The following SHC3 variants were observed in gnomAD, a reference collection of about 807,000 sequenced individuals.
SHC3 encodes the protein SHC adaptor protein 3.
In SHC3, 15 loss-of-function variants were observed where a neutral mutation model predicts 60.4. The observed-to-expected ratio is 0.25, with a 90% CI of 0.17 to 0.38. SHC3 has a LOEUF of 0.38. Among genes scored for constraint, SHC3 ranks in the 10% least tolerant of loss-of-function variants. SHC3 has a pLI of 1.00. For missense variants in SHC3, 677 were observed against 786.1 expected (o/e 0.86, Z 1.66); for synonymous variants, 294 against 325.9 (o/e 0.90, Z 1.05).
chr9:89,178,072 C>T lies in SHC3; in HGVS notation c.389G>A (p.Gly130Asp). The change falls in exon 1 of 12, where the codon GGC (glycine) becomes GAC (aspartate). Residue 130 changes from glycine to aspartate, a missense_variant. By Grantham distance (94) the Gly-to-Asp change is moderately conservative. Coordinates refer to ENST00000375835, the MANE Select transcript of SHC3 (RefSeq NM_016848.6). The surrounding 1 kb of genome is among the most constrained non-coding windows in gnomAD (Gnocchi z 6.9). The part of the protein sequence containing the change: ...AMSAARKGRP[G>D]DEPLPRPPRG... ...AGGGGGCCTGGGCAGCGGCTCGTCG[C>T]CGGGCCGGCCCTTCCTGGCGGCGCT... 2 of 1,201,422 alleles carry T rather than the reference C, an allele frequency of 1.7e-6. No individual in the cohort carries two copies. The highest frequency in any genetic ancestry group is 2.1e-6 in the Non-Finnish European group (2 of 968,808). The allele number at this position is 1,201,422 out of a possible 1,614,324, so 74.4% of individuals were successfully genotyped here.
At chr9:89,058,479 A>C (rs1824994611) in intron 6 of SHC3, among the ~76,000 whole-genome samples, 2 of 127,478 alleles carry the variant, frequency 1.6e-5, no homozygotes, top group Non-Finnish European at 3.3e-5. Context: ...GAGGATGATG[A>C]TGGAGGACAG....
intron 2 of SHC3, among the ~76,000 whole-genome samples, chr9:89,112,224 T>C (rs1267864475): frequency 6.6e-6 from 1 of 152,230 alleles, no homozygotes. Context: ...AAGAACATGG[T>C]TCAGTACATT....
At chr9:89,146,605 G>C (rs1465667067) in intron 1 of SHC3, among the ~76,000 whole-genome samples, 2 of 152,182 alleles carry the variant, frequency 1.3e-5, no homozygotes, top group African/African-American at 2.4e-5. Context: ...GAACATGGGA[G>C]AGGGAGAATG....
Position 89,122,477 on chromosome 9 carries a change from T to C in SHC3, c.475-9851A>G, listed in dbSNP as rs28372016. Among the ~76,000 whole-genome samples the C allele has an allele frequency of 5.5e-3, 834 of 152,360 alleles. 8 individuals are homozygous for C. Among genetic ancestry groups the C allele is most frequent in the African/African-American group, 0.019 (791 of 41,580 alleles). ...GGAAAAAAACAACCTTTGTTGGTAA[T>C]ACCTTGAAATTCACTTTTAGAAGGC... On this transcript the variant is annotated intron_variant, in intron 1 of 11. Coordinates refer to ENST00000375835, the MANE Select transcript of SHC3 (RefSeq NM_016848.6).
intron 2 of SHC3, among the ~76,000 whole-genome samples, chr9:89,083,763 C>T (rs553968709): frequency 6.6e-6 from 1 of 152,270 alleles, no homozygotes; most frequent in East Asian, 1.9e-4. Context: ...GACGGCCTCT[C>T]TCTTTTTCTC....
At chr9:89,171,375 G>A (rs1826866816) in intron 1 of SHC3, among the ~76,000 whole-genome samples, 1 of 152,216 alleles carries the variant, frequency 6.6e-6, no homozygotes, top group African/African-American at 2.4e-5. Context: ...AATGAAGTTT[G>A]TCAGAATGAC....
intron 7 of SHC3, among the ~76,000 whole-genome samples, chr9:89,049,716 TA>T (rs34075718): frequency 6.6e-6 from 1 of 152,236 alleles, no homozygotes; most frequent in Non-Finnish European, 1.5e-5. Context: ...AGTGGAGGTG[TA>T]AACAGACTGT....
chr9:89,072,787 C>A (rs558772227), intron 4 of SHC3, among the ~76,000 whole-genome samples: 2 of 152,186 alleles, frequency 1.3e-5, no homozygotes, highest in Non-Finnish European at 2.9e-5. Context: ...GGGCCCTTGT[C>A]CTCGGGCAGG....
chr9:89,156,210 GA>G (rs1826620535), intron 1 of SHC3, among the ~76,000 whole-genome samples: 1 of 152,098 alleles, frequency 6.6e-6, no homozygotes, highest in Non-Finnish European at 1.5e-5. Context: ...ATCCCTATGG[GA>G]AAAATATGGA....
intron 1 of SHC3, among the ~76,000 whole-genome samples, chr9:89,113,491 A>G (rs1476534580): frequency 6.6e-6 from 1 of 152,168 alleles, no homozygotes; most frequent in Non-Finnish European, 1.5e-5. Flanking sequence ...CTCCATCTCA[A>G]AAAAGAAAAA....
chr9:89,080,970 A>G (rs1049040896), intron 2 of SHC3, among the ~76,000 whole-genome samples: 1 of 151,936 alleles, frequency 6.6e-6, no homozygotes, highest in Admixed American at 6.6e-5. Flanking sequence ...GTTTCACCGT[A>G]TTAGCCAGGA....
chr9:89,085,975 A>G (rs1317643456), intron 2 of SHC3, among the ~76,000 whole-genome samples: 1 of 152,240 alleles, frequency 6.6e-6, no homozygotes, highest in Non-Finnish European at 1.5e-5. Context: ...ATGAGTGATT[A>G]ACAACCAAAC....
At chr9:89,052,430 AT>A (rs1824876902) in intron 6 of SHC3, among the ~76,000 whole-genome samples, 1 of 152,240 alleles carries the variant, frequency 6.6e-6, no homozygotes, top group African/African-American at 2.4e-5. Context: ...TTCAAGTTCA[AT>A]TTGATGTTCT....
At chr9:89,158,631 C>T (rs1053806820) in intron 1 of SHC3, among the ~76,000 whole-genome samples, 4 of 152,212 alleles carry the variant, frequency 2.6e-5, no homozygotes, top group East Asian at 1.9e-4. Context: ...ATTATTCTGT[C>T]TAGCGGGCTG....
chr9:89,086,534 C>A (rs541032802), intron 2 of SHC3, among the ~76,000 whole-genome samples: 4 of 152,310 alleles, frequency 2.6e-5, no homozygotes, highest in South Asian at 2.1e-4. Flanking sequence ...GGACCCTCTG[C>A]ATGTTTAGCT....
At chr9:89,077,947 G>A in intron 2 of SHC3, 44 bp from the exon 3 acceptor site, 1 of 1,608,010 alleles carries the variant, frequency 6.2e-7, no homozygotes, top group East Asian at 2.2e-5. Flanking sequence ...TGTCAGTCGG[G>A]ATTATGGAAC....
chr9:89,061,419 A>T (rs1387973261), intron 6 of SHC3, among the ~76,000 whole-genome samples: 2 of 152,232 alleles, frequency 1.3e-5, no homozygotes, highest in African/African-American at 4.8e-5. Flanking sequence ...ATATTCGAGA[A>T]GCCCAGAAGA....
At chr9:89,150,920 G>A (rs180693688) in intron 1 of SHC3, among the ~76,000 whole-genome samples, 1 of 151,598 alleles carries the variant, frequency 6.6e-6, no homozygotes, top group East Asian at 1.9e-4. Flanking sequence ...ACCCTAAAGG[G>A]TATAAAGTGG....
intron 6 of SHC3, among the ~76,000 whole-genome samples, chr9:89,053,321 C>T (rs1221210522): frequency 1.3e-5 from 2 of 152,214 alleles, no homozygotes; most frequent in Non-Finnish European, 2.9e-5. Flanking sequence ...AGTTGTTGTT[C>T]CCCAGCCCTG....
Sources: gnomAD v4.1 joint callset for allele counts (sites outside exome capture counted in the v4.1 genomes callset) on GRCh38, gnomAD v4.1.1 for gene constraint, Gnocchi (gnomAD v3.1) non-coding constraint, MANE v1.5 for transcripts, NCBI Gene and HGNC (gene_info 2026-07-23, HGNC 2026-07-21) for gene names.